The following CEP57L1 variants were observed in gnomAD, a reference collection of about 807,000 sequenced individuals.
CEP57L1 encodes centrosomal protein CEP57L1.
CEP57L1 carries 37 observed loss-of-function variants against 61.0 expected under a neutral mutation model. The observed-to-expected ratio is 0.61, with a 90% CI of 0.47 to 0.80. The LOEUF (loss-of-function observed/expected upper bound fraction) is 0.80. Ranked by LOEUF, CEP57L1 falls within the 30% of genes least tolerant of loss-of-function variation. The pLI, the probability that CEP57L1 is intolerant of heterozygous loss-of-function variation, is 0.00. For missense variants in CEP57L1, 422 were observed against 524.7 expected (o/e 0.80, Z 1.91); for synonymous variants, 137 against 162.3 (o/e 0.84, Z 1.19).
At chr6:109,156,596 G>A (rs1486618366) in intron 7 of CEP57L1, 1 of 151,974 alleles carries the variant, frequency 6.6e-6, no homozygotes, top group Non-Finnish European at 1.5e-5. Context: ...GTGGAATTAT[G>A]GTTTTGATGG....
At chr6:109,122,411 TG>T (rs1405140908) in intron 1 of CEP57L1, among the ~76,000 whole-genome samples, 1 of 152,168 alleles carries the variant, frequency 6.6e-6, no homozygotes, top group Non-Finnish European at 1.5e-5. Flanking sequence ...TGGCTTTACA[TG>T]GGAGGCTCTT....
intron 1 of CEP57L1, among the ~76,000 whole-genome samples, chr6:109,139,904 T>G (rs1771157904): frequency 6.6e-6 from 1 of 152,058 alleles, no homozygotes; most frequent in Admixed American, 6.6e-5. Flanking sequence ...AGTGCTGGGA[T>G]TATAGGCATG....
At chr6:109,135,889 G>C in intron 1 of CEP57L1, among the ~76,000 whole-genome samples, 1 of 152,146 alleles carries the variant, frequency 6.6e-6, no homozygotes, top group Non-Finnish European at 1.5e-5. Context: ...CAGTTAGAAT[G>C]GCAATCATTA....
At position 109,146,779 on chromosome 6, in the gene CEP57L1, C is replaced by G. The variant is rs749832432; in HGVS notation, c.182C>G (p.Thr61Ser). The G allele has an allele frequency of 7.3e-5, 115 of 1,574,682 alleles. No homozygotes were observed. Among genetic ancestry groups the G allele is most frequent in the Non-Finnish European group, 9.3e-5 (108 of 1,167,144 alleles). ...ACAGCTCTTATTTTAGCCTTAAAAA[C>G]TCTTCAGGAAAAAATTCATCGTTTA... ...NSQALILALK[T>S]LQEKIHRLEL... is the part of the protein sequence containing the mutation. The change falls in exon 3 of 11, where the codon ACT (threonine) becomes AGT (serine). Residue 61 changes from threonine (T) to serine (S), a missense_variant. By Grantham distance (58) the Thr-to-Ser change is moderately conservative. Transcript: ENST00000517392.
chr6:109,103,732 T>G (rs1235079018), intron 1 of CEP57L1, among the ~76,000 whole-genome samples: 1 of 152,166 alleles, frequency 6.6e-6, no homozygotes, highest in African/African-American at 2.4e-5. Context: ...CAATAATTGT[T>G]GAATCTATTT....
rs1350505611 is a variant in CEP57L1 at position 109,164,658 on chromosome 6, C to T, written c.*1688C>T. On this transcript the variant is annotated 3_prime_UTR_variant, in exon 11 of 11. Coordinates refer to ENST00000517392, the MANE Select transcript of CEP57L1 (RefSeq NM_001271852.3). ...AAACTTTTTAGCTTTCTGCTATCCA[C>T]CAGGACCATAATGCAGACCTATAGT... Among the ~76,000 whole-genome samples, 1 of 152,120 alleles carries T rather than the reference C, an allele frequency of 6.6e-6. No individual in the cohort carries two copies. The highest frequency in any genetic ancestry group is 2.4e-5 in the African/African-American group (1 of 41,422).
chr6:109,154,031 A>C, intron 5 of CEP57L1, 82 bp downstream of exon 5: 1 of 755,762 alleles, frequency 1.3e-6, no homozygotes, highest in Non-Finnish European at 2.2e-6. Flanking sequence ...ATGTAGAGTA[A>C]ATCTTAGATT....
intron 1 of CEP57L1, among the ~76,000 whole-genome samples, chr6:109,114,372 CTATT>C (rs1441232240): frequency 6.6e-6 from 1 of 151,952 alleles, no homozygotes; most frequent in East Asian, 1.9e-4. Flanking sequence ...TGAGAAATGT[CTATT>C]TAAGTCCTTT....
Position 109,173,552 on chromosome 6 carries a change from G to A in CEP57L1, c.*10582G>A, listed in dbSNP as rs1417135587. ...CAGTCCTCCTGCCTCTGCCTCCCAA[G>A]TAGCTGGGACTACAGGTGCATGCCA... On this transcript the variant is annotated 3_prime_UTR_variant, in exon 11 of 11. Coordinates refer to ENST00000517392, the MANE Select transcript of CEP57L1 (RefSeq NM_001271852.3). Among the ~76,000 whole-genome samples the A allele has an allele frequency of 1.4e-5, 2 of 147,558 alleles. No individual in the cohort carries two copies. Among genetic ancestry groups the A allele is most frequent in the Non-Finnish European group, 3.0e-5 (2 of 67,236 alleles).
chr6:109,132,828 T>G (rs1040722554), intron 1 of CEP57L1, among the ~76,000 whole-genome samples: 2 of 152,230 alleles, frequency 1.3e-5, no homozygotes, highest in Non-Finnish European at 2.9e-5. Flanking sequence ...TTTGTGGTTT[T>G]AAGTTGCATT....
At chr6:109,108,745 TA>T (rs1771223871) in intron 1 of CEP57L1, among the ~76,000 whole-genome samples, 1 of 152,322 alleles carries the variant, frequency 6.6e-6, no homozygotes, top group East Asian at 1.9e-4. Flanking sequence ...TTTCTTGAAT[TA>T]AAAAAGGCGA....
chr6:109,144,282 G>A (rs1318613481), intron 1 of CEP57L1, among the ~76,000 whole-genome samples: 2 of 152,112 alleles, frequency 1.3e-5, no homozygotes, highest in Admixed American at 6.6e-5. Context: ...AATTGAGGAG[G>A]TGGTGAAATC....
chr6:109,150,512 A>C (rs1772488752), intron 4 of CEP57L1, among the ~76,000 whole-genome samples: 1 of 152,138 alleles, frequency 6.6e-6, no homozygotes, highest in South Asian at 2.1e-4. Flanking sequence ...AAATACAAAA[A>C]TTAGCCGGGC....
Position 109,095,695 on chromosome 6 carries a change from C to T in CEP57L1, c.-4+120C>T, listed in dbSNP as rs543560763. 945 of 553,568 alleles carry T rather than the reference C, an allele frequency of 1.7e-3. 2 individuals carry two copies. Among genetic ancestry groups the T allele is most frequent in the Non-Finnish European group, 1.9e-3 (829 of 435,002 alleles). The allele number at this position is 553,568 out of a possible 1,614,324, so 34.3% of individuals were successfully genotyped here. A position where few individuals can be genotyped will look rare whatever the true frequency, so the allele number is the denominator to read the frequency against. On this transcript the variant is annotated intron_variant, in intron 1 of 10. Coordinates refer to ENST00000517392, the MANE Select transcript of CEP57L1 (RefSeq NM_001271852.3). ...GCCTCCCTTAGTCCAAGGACTTTTT[C>T]CAGTGACTTGCGTGGGAAGGACTAG...
chr6:109,149,178 A>G (rs1358441264), intron 3 of CEP57L1, among the ~76,000 whole-genome samples: 1 of 152,226 alleles, frequency 6.6e-6, no homozygotes, highest in East Asian at 1.9e-4. Flanking sequence ...GGTGTTGTAG[A>G]CATGAAGTCC....
At chr6:109,095,227 T>C, upstream of CEP57L1, 1 of 985,514 alleles carries the variant, frequency 1.0e-6, no homozygotes. Flanking sequence ...GTTTGGACTC[T>C]GTCCTGGAGA....
chr6:109,136,126 T>C (rs987276642), intron 1 of CEP57L1, among the ~76,000 whole-genome samples: 2 of 152,208 alleles, frequency 1.3e-5, no homozygotes, highest in Non-Finnish European at 2.9e-5. Context: ...GTATGTTTAT[T>C]GCGGCACTAT....
At chr6:109,108,490 G>A (rs1771199831) in intron 1 of CEP57L1, among the ~76,000 whole-genome samples, 1 of 151,938 alleles carries the variant, frequency 6.6e-6, no homozygotes, top group Admixed American at 6.6e-5. Flanking sequence ...GGGATTACAG[G>A]CGTGTAATCC....
At chr6:109,153,978 G>A (rs1402873985) in intron 5 of CEP57L1, 29 bp downstream of exon 5, 9 of 1,131,788 alleles carry the variant, frequency 8.0e-6, no homozygotes, top group Middle Eastern at 3.9e-4. Flanking sequence ...GATGACAACA[G>A]GAATGAATCT....
Sources: allele counts gnomAD v4.1 joint callset (sites outside exome capture counted in the v4.1 genomes callset), GRCh38; gene constraint gnomAD v4.1.1; transcripts MANE v1.5; gene names NCBI Gene and HGNC (gene_info 2026-07-23, HGNC 2026-07-21).